The following MEI1 variants were observed in gnomAD, a reference collection of about 807,000 sequenced individuals.
MEI1 encodes the protein meiotic double-stranded break formation protein 1, also known as meiosis inhibitor protein 1.
Under a neutral mutation model 146.2 loss-of-function variants are expected in MEI1, and 103 were observed. That is an observed-to-expected ratio of 0.70 (90% CI 0.60 to 0.83). The LOEUF (loss-of-function observed/expected upper bound fraction) is 0.83. MEI1 is among the 40% of genes least tolerant of loss of function. The pLI is 0.00. For synonymous variants in MEI1, 652 were observed against 628.2 expected (o/e 1.04, Z -0.57); for missense variants, 1,529 against 1,533.0 (o/e 1.00, Z 0.04).
chr22:41,711,561 G>T (rs1219279628), intron 3 of MEI1, among the ~76,000 whole-genome samples: 2 of 152,242 alleles, frequency 1.3e-5, no homozygotes, highest in Admixed American at 1.3e-4. Flanking sequence ...TAGGTGGAAA[G>T]CACTAGAGGA....
chr22:41,723,679 A>G (rs2071068858), intron 6 of MEI1, among the ~76,000 whole-genome samples: 1 of 152,178 alleles, frequency 6.6e-6, no homozygotes, highest in Non-Finnish European at 1.5e-5. Flanking sequence ...TGAAACTTAT[A>G]GTTGAGTGAG....
intron 16 of MEI1, 42 bp downstream of exon 16, chr22:41,752,693 A>G (rs1459797853): frequency 2.6e-6 from 4 of 1,526,910 alleles, no homozygotes; most frequent in South Asian, 2.4e-5. Flanking sequence ...CAAGGGGCCA[A>G]TGTCCCTCTT....
Position 41,799,380 on chromosome 22 carries a change from C to A in MEI1, c.*81C>A. ...GCATAATTGTTGGGGAAATGGATGA[C>A]AGCTGAAGCTATTCATATGGAGCCA... On this transcript the variant is annotated 3_prime_UTR_variant, in exon 31 of 31. Transcript: ENST00000401548. 7.4e-7 allele frequency: 1 copy of A among 1,352,788 alleles called. No homozygotes were observed. Among genetic ancestry groups the A allele is most frequent in the Non-Finnish European group, 1.1e-6 (1 of 948,138 alleles). The allele number at this position is 1,352,788 out of a possible 1,614,324, so 83.8% of individuals were successfully genotyped here.
In MEI1 at chr22:41,758,520, A is replaced by G; in HGVS notation, c.2107A>G (p.Ile703Val). ...CILLLFYLAY[I>V]HEDRFVSEAE... is the part of the protein sequence containing the mutation. ...CCTGCTCCTCTTCTACTTGGCCTAC[A>G]TCCATGAAGACAGGTCAGTGCACAG... The change falls in exon 18 of 31, where the codon ATC (isoleucine) becomes GTC (valine). Residue 703 changes from isoleucine to valine, a missense_variant. Ile to Val is a conservative substitution (Grantham distance 29). This residue lies in a region of MEI1 where 1,212 missense variants were observed against 1,178.9 expected (regional missense o/e 1.03). Coordinates refer to ENST00000401548, the MANE Select transcript of MEI1 (RefSeq NM_152513.4). The G allele has an allele frequency of 1.2e-6, 2 of 1,612,860 alleles. No individual in the cohort carries two copies. Among genetic ancestry groups the G allele is most frequent in the Non-Finnish European group, 1.7e-6 (2 of 1,179,302 alleles).
At chr22:41,782,344 C>T (rs776603793) in intron 24 of MEI1, among the ~76,000 whole-genome samples, 13 of 152,160 alleles carry the variant, frequency 8.5e-5, no homozygotes, top group Non-Finnish European at 1.3e-4. Flanking sequence ...CAGAAGCCAG[C>T]CTGCGACCTT....
intron 26 of MEI1, among the ~76,000 whole-genome samples, chr22:41,790,113 C>T (rs926888770): frequency 2.6e-5 from 4 of 152,170 alleles, no homozygotes; most frequent in Admixed American, 2.0e-4. Context: ...GACAGACTCT[C>T]ATTCTGTTGT....
At chr22:41,702,407 G>A (rs992764085) in intron 1 of MEI1, among the ~76,000 whole-genome samples, 2 of 151,522 alleles carry the variant, frequency 1.3e-5, no homozygotes, top group Non-Finnish European at 2.9e-5. Flanking sequence ...TCCCAAAGTT[G>A]GGATTACAGG....
At position 41,768,491 on chromosome 22, in the gene MEI1, G is replaced by C. The variant is rs148901433; in HGVS notation, c.2269-2195G>C. On this transcript the variant is annotated intron_variant, in intron 19 of 30. Coordinates refer to ENST00000401548, the MANE Select transcript of MEI1 (RefSeq NM_152513.4). ...TAACTTAACAAAGTATAAGGACTTT[G>C]TGTTAGTCAGTTCTCGCATTCTTAT... Among the ~76,000 whole-genome samples the C allele has an allele frequency of 4.4e-4, 67 of 152,128 alleles. 1 individual carries two copies. The highest frequency in any genetic ancestry group is 4.3e-4 in the Non-Finnish European group (29 of 68,006).
rs2071916692 is a variant in MEI1 at position 41,732,106 on chromosome 22, A to G, written c.1097-139A>G. 3 of 636,314 alleles carry G rather than the reference A, an allele frequency of 4.7e-6. No individual in the cohort carries two copies. The East Asian group carries it at 8.4e-5, about 18-fold the overall frequency. The allele number at this position is 636,314 out of a possible 1,614,324, so 39.4% of individuals were successfully genotyped here. On this transcript the variant is annotated intron_variant, in intron 9 of 30. Transcript: ENST00000401548. The stretch of plus-strand genomic sequence containing the variant: ...AAAGATCTCACAGTCTGGTCCCATT[A>G]GCTCAATCTTGTCAGGGTCCCTCCA...
Position 41,743,121 on chromosome 22 carries a change from T to C in MEI1, c.1373T>C (p.Leu458Pro), listed in dbSNP as rs568106819. 5.0e-6 allele frequency: 8 copies of C among 1,613,372 alleles called. No individual in the cohort carries two copies. The highest frequency in any genetic ancestry group is 6.8e-6 in the Non-Finnish European group (8 of 1,179,814). ...ACTCCACCTGTGCAGTATGGGGAAC[T>C]GCAGGCTTTGCTAGAAGCCATGCTA... Reference protein sequence around the residue: ...QSTPPVQYGELQALLEAMLNR... With the variant: ...QSTPPVQYGEPQALLEAMLNR... Residue 458 changes from leucine to proline, a missense_variant, in exon 12 of 31, where the codon CTG (leucine) becomes CCG (proline). Around this residue, in one of 3 missense-constraint regions of MEI1, gnomAD observed 1,212 missense variants for 1,178.9 expected, o/e 1.03. Coordinates refer to ENST00000401548, the MANE Select transcript of MEI1 (RefSeq NM_152513.4).
intron 1 of MEI1, 74 bp downstream of exon 1, chr22:41,699,786 C>A: frequency 6.8e-7 from 1 of 1,464,072 alleles, no homozygotes. Flanking sequence ...AGGCCCTTGC[C>A]AGACCCGCTC....
chr22:41,710,854 A>G (rs766366477), intron 3 of MEI1, among the ~76,000 whole-genome samples: 6 of 152,184 alleles, frequency 3.9e-5, no homozygotes, highest in Admixed American at 1.3e-4. Flanking sequence ...TGCTGTTGGC[A>G]GGTTAGGCAC....
intron 3 of MEI1, chr22:41,709,577 C>T (rs1276333381): frequency 2.1e-6 from 1 of 475,482 alleles, no homozygotes; most frequent in East Asian, 5.4e-5. Context: ...TTGTTCTCGC[C>T]TCTTCTTCTG....
intron 19 of MEI1, among the ~76,000 whole-genome samples, chr22:41,763,918 T>G (rs1040069779): frequency 1.3e-5 from 2 of 150,602 alleles, no homozygotes; most frequent in East Asian, 3.9e-4. Context: ...TCAGAGTAAC[T>G]GAATAGTTAA....
chr22:41,730,598 G>A lies in MEI1; in HGVS notation c.1057G>A (p.Glu353Lys), dbSNP rs1264066525. ...CTGTAACTGCTTGACACTCCTGGTAGAAGAGCCACTCTTTTTTTCCAAGTG... is the reference window on the plus strand; with the variant it reads ...CTGTAACTGCTTGACACTCCTGGTAAAAGAGCCACTCTTTTTTTCCAAGTG... The part of the protein sequence containing the change: ...SSCNCLTLLV[E>K]EPLFFSKCHT... The change falls in exon 9 of 31, where the codon GAA becomes AAA. Residue 353 changes from glutamate to lysine, a missense_variant. Glu to Lys is a moderately conservative substitution (Grantham distance 56). Coordinates refer to ENST00000401548, the MANE Select transcript of MEI1 (RefSeq NM_152513.4). The A allele has an allele frequency of 6.2e-7, 1 of 1,613,646 alleles. No individual in the cohort carries two copies. The highest frequency in any genetic ancestry group is 8.5e-7 in the Non-Finnish European group (1 of 1,179,754).
chr22:41,788,979 G>C lies in MEI1; in HGVS notation c.3345+4196G>C, dbSNP rs2076081561. ...AACCTCCTGAATAGCTGGGACTACG[G>C]GTATACACCACCATGCCCAGCTAAT... is the stretch of plus-strand genomic sequence containing the variant. On this transcript the variant is annotated intron_variant, in intron 26 of 30. Transcript: ENST00000401548. 3.3e-5 allele frequency among the ~76,000 whole-genome samples: 5 copies of C among 152,200 alleles called. No homozygotes were observed. The South Asian group carries it at 1.0e-3, about 32-fold the overall frequency.
Position 41,781,722 on chromosome 22 carries a change from G to A in MEI1, c.2964G>A (p.Glu988=). Residue 988 remains glutamate (E), a synonymous_variant, in exon 24 of 31, where the codon GAG becomes GAA. Coordinates refer to ENST00000401548, the MANE Select transcript of MEI1 (RefSeq NM_152513.4). ...AVLLSSTGLM[E]LLEKMLALTL... Reference sequence around the variant, plus strand: ...TCCTGAGCAGCACAGGCCTGATGGAGCTTCTGGAGAAGATGCTGGCCCTCA... The same window carrying A: ...TCCTGAGCAGCACAGGCCTGATGGAACTTCTGGAGAAGATGCTGGCCCTCA... 2.5e-6 allele frequency: 4 copies of A among 1,613,850 alleles called. No individual in the cohort carries two copies. Among genetic ancestry groups the A allele is most frequent in the Non-Finnish European group, 3.4e-6 (4 of 1,179,906 alleles).
chr22:41,760,341 A>G (rs2074400655), intron 18 of MEI1, among the ~76,000 whole-genome samples: 1 of 150,428 alleles, frequency 6.6e-6, no homozygotes, highest in Non-Finnish European at 1.5e-5. Flanking sequence ...TAAAAAAAAT[A>G]AAAATGAAAA....
chr22:41,703,128 C>G (rs1601613431), intron 1 of MEI1, among the ~76,000 whole-genome samples: 1 of 152,168 alleles, frequency 6.6e-6, no homozygotes, highest in African/African-American at 2.4e-5. Context: ...AACCTTAGCT[C>G]ATGTATAATC....
Sources: gnomAD v4.1 joint callset for allele counts (sites outside exome capture counted in the v4.1 genomes callset) on GRCh38, gnomAD v4.1.1 for gene constraint, gnomAD v4.1.1 regional missense constraint, MANE v1.5 for transcripts, NCBI Gene and HGNC (gene_info 2026-07-23, HGNC 2026-07-21) for gene names.